SYTL4: variants seen among roughly 807,000 people sequenced by gnomAD.
SYTL4 encodes synaptotagmin like 4, also known as synaptotagmin-like protein 4.
In SYTL4, 16 loss-of-function variants were observed where a neutral mutation model predicts 52.7. The ratio of observed to expected loss-of-function variants is 0.30; its 90% CI spans 0.21 to 0.46. The LOEUF is 0.46. Among genes scored for constraint, SYTL4 ranks in the 20% least tolerant of loss-of-function variants. The pLI is 1.00. For synonymous variants in SYTL4, 160 were observed against 186.6 expected (o/e 0.86, Z 1.16); for missense variants, 423 against 519.9 (o/e 0.81, Z 1.81).
chrX:100,710,806 C>A (rs1413218593), intron 2 of SYTL4, among the ~76,000 whole-genome samples: 8 of 111,810 alleles, frequency 7.2e-5, no homozygotes, highest in East Asian at 5.6e-4. Context: ...GGGAAAAAAA[C>A]CAGGTAGCTG....
In SYTL4 at chrX:100,712,957, T is replaced by C. The variant is rs149821858; in HGVS notation, c.-239-8071A>G. Among the ~76,000 whole-genome samples, 1,981 of 112,198 alleles carry C rather than the reference T, an allele frequency of 0.018. 93 individuals are homozygous for C. The East Asian group carries it at 0.24, about 14-fold the overall frequency. On this transcript the variant is annotated intron_variant, in intron 2 of 19. Transcript: ENST00000372989. ...ACAATGAGATATCACTACATACTTA[T>C]TAGAATGACCAAAATTTAAAATGCA...
chrX:100,691,422 A>G (rs1440465759), intron 8 of SYTL4, among the ~76,000 whole-genome samples: 4 of 112,251 alleles, frequency 3.6e-5, no homozygotes, highest in Non-Finnish European at 7.5e-5. Flanking sequence ...AGGTGCCATC[A>G]TAGTGCACAA....
At chrX:100,695,853 C>T (rs1480770893) in intron 8 of SYTL4, among the ~76,000 whole-genome samples, 1 of 111,788 alleles carries the variant, frequency 8.9e-6, no homozygotes, top group East Asian at 2.8e-4. Flanking sequence ...CATTCTAATC[C>T]CTCCTGCCCT....
chrX:100,725,303 A>G (rs1462837851), intron 2 of SYTL4, among the ~76,000 whole-genome samples: 1 of 112,176 alleles, frequency 8.9e-6, no homozygotes, highest in African/African-American at 3.2e-5. Context: ...TGAGAGATCT[A>G]TTAAAAACAA....
chrX:100,698,857 G>T (rs755148763), intron 8 of SYTL4, among the ~76,000 whole-genome samples: 1 of 111,756 alleles, frequency 8.9e-6, no homozygotes, highest in Admixed American at 9.5e-5. Flanking sequence ...ACAAACAGAT[G>T]GTTTATGGTT....
chrX:100,729,458 C>T (rs1380526789), intron 2 of SYTL4, among the ~76,000 whole-genome samples: 2 of 110,213 alleles, frequency 1.8e-5, no homozygotes, highest in Non-Finnish European at 3.8e-5. Context: ...GAAGGGATTA[C>T]ACGTTTAAAT....
chrX:100,686,065 A>G lies in SYTL4; in HGVS notation c.1374T>C (p.Leu458=). Residue 458 remains leucine, a synonymous_variant, in exon 16 of 20, where the codon CTT becomes CTC. Coordinates refer to ENST00000372989, the MANE Select transcript of SYTL4 (RefSeq NM_001370165.1). ...HHGRFGRNTF[L]GEAEIQMDSW... ...AATCCATCTGGATCTCTGCCTCTCC[A>G]AGGAAAGTGTTTCTGCCAAAACGAC... 8.3e-7 allele frequency: 1 copy of G among 1,209,103 alleles called. No homozygotes were observed.
At chrX:100,690,427 A>G (rs986307344) in intron 10 of SYTL4, 136 bp downstream of exon 10, 41 of 311,610 alleles carry the variant, frequency 1.3e-4, no homozygotes, top group Non-Finnish European at 2.1e-4. Flanking sequence ...GCCTAAGAGA[A>G]TGGAGGGAGG....
intron 17 of SYTL4, among the ~76,000 whole-genome samples, chrX:100,680,008 T>C (rs767503417): frequency 8.9e-6 from 1 of 112,204 alleles, no homozygotes; most frequent in Non-Finnish European, 1.9e-5. Flanking sequence ...TCTACTTTCT[T>C]TCACCATCAA....
chrX:100,705,711 C>T lies in SYTL4; in HGVS notation c.-239-825G>A, dbSNP rs887518986. ...AGGCACGTTGGCATAATAATGAGACCAAGTAATATCAAAATCCAGGGAAGT... is the reference window on the plus strand; with the variant it reads ...AGGCACGTTGGCATAATAATGAGACTAAGTAATATCAAAATCCAGGGAAGT... On this transcript the variant is annotated intron_variant, in intron 2 of 19. Coordinates refer to ENST00000372989, the MANE Select transcript of SYTL4 (RefSeq NM_001370165.1). 1.5e-4 allele frequency among the ~76,000 whole-genome samples: 17 copies of T among 111,266 alleles called. No homozygotes were observed. The Admixed American group carries it at 1.5e-3, about 10-fold the overall frequency.
At chrX:100,722,244 G>A (rs1443128095) in intron 2 of SYTL4, among the ~76,000 whole-genome samples, 1 of 79,995 alleles carries the variant, frequency 1.3e-5, no homozygotes, top group African/African-American at 3.6e-5. Flanking sequence ...AGATCTACTG[G>A]AGAAAAAAAA....
At chrX:100,717,422 G>A (rs960895735) in intron 2 of SYTL4, among the ~76,000 whole-genome samples, 13 of 112,986 alleles carry the variant, frequency 1.2e-4, no homozygotes, top group South Asian at 3.6e-4. Flanking sequence ...GCAGGAGAAC[G>A]AGGGCTTTCC....
chrX:100,713,184 C>T (rs779542787), intron 2 of SYTL4, among the ~76,000 whole-genome samples: 1 of 112,499 alleles, frequency 8.9e-6, no homozygotes, highest in Non-Finnish European at 1.9e-5. Flanking sequence ...GTGGCTCACA[C>T]CCACAATCCC....
At chrX:100,730,754 G>A (rs1402347351) in intron 2 of SYTL4, among the ~76,000 whole-genome samples, 1 of 111,448 alleles carries the variant, frequency 9.0e-6, no homozygotes, top group Non-Finnish European at 1.9e-5. Flanking sequence ...TGCCCAAAAA[G>A]GGCCTCACAA....
intron 2 of SYTL4, among the ~76,000 whole-genome samples, chrX:100,724,127 C>T (rs1252534774): frequency 2.9e-5 from 2 of 69,999 alleles, no homozygotes; most frequent in African/African-American, 6.7e-5. Flanking sequence ...CCAGCCGCCC[C>T]GTCCGGGAGG....
chrX:100,725,692 A>G (rs5967179), intron 2 of SYTL4, among the ~76,000 whole-genome samples: 2,401 of 111,719 alleles, frequency 0.021, 69 homozygotes, highest in African/African-American at 0.074. Context: ...GCCATTGTCT[A>G]CCTTCTTCTC....
Position 100,686,150 on chromosome X carries a change from T to C in SYTL4, c.1289A>G (p.Tyr430Cys), listed in dbSNP as rs1417348271. ...INPLYDETLR[Y>C]EIPESLLAQR... is the part of the protein sequence containing the mutation. ...GGCCAGGAGAGATTCTGGGATCTCA[T>C]ACTGTGAAGGGAAAGTAAAAGCCCA... is the stretch of plus-strand genomic sequence containing the variant. The change falls in exon 16 of 20, where the codon TAT becomes TGT. Residue 430 changes from tyrosine to cysteine, a missense_variant and splice_region_variant. Coordinates refer to ENST00000372989, the MANE Select transcript of SYTL4 (RefSeq NM_001370165.1). 8.3e-7 allele frequency: 1 copy of C among 1,201,726 alleles called. No individual in the cohort carries two copies. The highest frequency in any genetic ancestry group is 1.1e-6 in the Non-Finnish European group (1 of 891,279).
At chrX:100,683,008 G>A (rs1379862345) in intron 16 of SYTL4, among the ~76,000 whole-genome samples, 2 of 110,404 alleles carry the variant, frequency 1.8e-5, no homozygotes, top group Non-Finnish European at 3.8e-5. Context: ...GTGGCCTATT[G>A]TCTTTGGCTT....
intron 19 of SYTL4, among the ~76,000 whole-genome samples, chrX:100,676,706 C>T (rs183510833): frequency 8.1e-5 from 9 of 110,898 alleles, no homozygotes; most frequent in Non-Finnish European, 1.1e-4. Context: ...AGGATGGTCT[C>T]GATCTCTTGA....
Sources: gnomAD v4.1 joint callset for allele counts (sites outside exome capture counted in the v4.1 genomes callset) on GRCh38, gnomAD v4.1.1 for gene constraint, MANE v1.5 for transcripts, NCBI Gene and HGNC (gene_info 2026-07-23, HGNC 2026-07-21) for gene names.